Variants in NRCAM observed in about 807,000 individuals in gnomAD.
The protein encoded by NRCAM is NgCAM-related cell adhesion molecule.
A neutral mutation model predicts 156.5 loss-of-function variants in NRCAM; 83 were observed. The observed-to-expected ratio is 0.53, with a 90% CI of 0.44 to 0.64. The LOEUF (loss-of-function observed/expected upper bound fraction) is 0.64, where lower values mean the gene tolerates loss of function less well. NRCAM is among the 30% of genes least tolerant of loss of function. The pLI is 0.00. For missense variants in NRCAM, 1,417 were observed against 1,597.3 expected (o/e 0.89, Z 1.92); for synonymous variants, 538 against 563.9 (o/e 0.95, Z 0.65).
At chr7:108,375,415 C>T (rs1397756232) in intron 2 of NRCAM, among the ~76,000 whole-genome samples, 1 of 152,038 alleles carries the variant, frequency 6.6e-6, no homozygotes, top group Admixed American at 6.6e-5. Context: ...CATTCATCCG[C>T]GTGATGGATG....
intron 3 of NRCAM, among the ~76,000 whole-genome samples, chr7:108,254,970 C>G (rs1276804833): frequency 1.3e-5 from 2 of 152,140 alleles, no homozygotes; most frequent in African/African-American, 4.8e-5. Context: ...TATATAGCAG[C>G]ATTATTTATA....
At chr7:108,316,366 C>T (rs2098920792) in intron 2 of NRCAM, among the ~76,000 whole-genome samples, 1 of 152,138 alleles carries the variant, frequency 6.6e-6, no homozygotes, top group African/African-American at 2.4e-5. Flanking sequence ...GAACCATGAG[C>T]CAAATACATT....
chr7:108,375,071 C>G (rs1181082647), intron 2 of NRCAM, among the ~76,000 whole-genome samples: 1 of 152,062 alleles, frequency 6.6e-6, no homozygotes, highest in African/African-American at 2.4e-5. Flanking sequence ...CCAGCCCAGA[C>G]TGTCTGTCTC....
Position 108,207,648 on chromosome 7 carries a change from AG to A in NRCAM, c.1086del (p.Trp363GlyfsTer18). ...ACAAGATTTTGAGGGGCTGTGATCC[AG>A]TATGGAGCCGCTTTATAGGAGGAAG... ...TISVRVKAAP[Y>X]WITAPQNLVL... On this transcript the variant is annotated frameshift_variant, in exon 13 of 33. Coordinates refer to ENST00000379028, the MANE Select transcript of NRCAM (RefSeq NM_001037132.4). LOFTEE classifies it high-confidence loss of function. 1 of 1,609,718 alleles carries A rather than the reference AG, an allele frequency of 6.2e-7. No homozygotes were observed. The highest frequency in any genetic ancestry group is 8.5e-7 in the Non-Finnish European group (1 of 1,178,618).
intron 4 of NRCAM, among the ~76,000 whole-genome samples, chr7:108,238,945 T>A (rs1447536176): frequency 6.6e-6 from 1 of 151,652 alleles, no homozygotes; most frequent in African/African-American, 2.4e-5. Flanking sequence ...ATAATAATAA[T>A]AAATAAATAA....
rs2300046 is a variant in NRCAM, at chr7:108,425,387, A to G, written c.-331-25794T>C. 1.4e-4 allele frequency among the ~76,000 whole-genome samples: 21 copies of G among 152,356 alleles called. 1 individual carries two copies. The East Asian group carries it at 4.0e-3, about 29-fold the overall frequency. ...GCACAATACTAAATCCCAAAGATTT[A>G]TCTCCTATGACTCTGCAAAGTGGGA... On this transcript the variant is annotated intron_variant, in intron 1 of 32. Coordinates refer to ENST00000379028, the MANE Select transcript of NRCAM (RefSeq NM_001037132.4).
At chr7:108,423,173 T>C (rs1812486099) in intron 1 of NRCAM, among the ~76,000 whole-genome samples, 1 of 152,140 alleles carries the variant, frequency 6.6e-6, no homozygotes, top group Admixed American at 6.5e-5. Context: ...CTTTATCTTT[T>C]TGCATATATG....
At chr7:108,218,804 G>C (rs2090902474) in intron 11 of NRCAM, among the ~76,000 whole-genome samples, 1 of 152,118 alleles carries the variant, frequency 6.6e-6, no homozygotes, top group Admixed American at 6.5e-5. Context: ...CAAGGAACTA[G>C]AGAAACAAGA....
At chr7:108,323,575 C>G (rs917835355) in intron 2 of NRCAM, among the ~76,000 whole-genome samples, 3 of 152,262 alleles carry the variant, frequency 2.0e-5, no homozygotes, top group Admixed American at 1.3e-4. Flanking sequence ...CTTAAATTTG[C>G]ACAAGTTATT....
At chr7:108,159,805 CCCT>C (rs934918851) in intron 31 of NRCAM, among the ~76,000 whole-genome samples, 3 of 151,312 alleles carry the variant, frequency 2.0e-5, no homozygotes, top group African/African-American at 7.3e-5. Context: ...TAAGATTTCC[CCCT>C]ATTTTACCAA....
chr7:108,367,784 T>C (rs992317173), intron 2 of NRCAM, among the ~76,000 whole-genome samples: 13 of 152,204 alleles, frequency 8.5e-5, no homozygotes, highest in African/African-American at 2.9e-4. Flanking sequence ...ACAAATGCAA[T>C]GTGTCATATA....
intron 3 of NRCAM, among the ~76,000 whole-genome samples, chr7:108,309,774 T>G (rs1032643815): frequency 6.6e-6 from 1 of 152,142 alleles, no homozygotes; most frequent in Non-Finnish European, 1.5e-5. Context: ...TGAGAATCAC[T>G]TGAACCCGGG....
Position 108,417,560 on chromosome 7 carries a change from C to A in NRCAM, c.-331-17967G>T, listed in dbSNP as rs543979028. Among the ~76,000 whole-genome samples the A allele has an allele frequency of 2.0e-5, 3 of 152,266 alleles. No individual in the cohort carries two copies. In the South Asian group the frequency reaches 6.2e-4, roughly 32 times the overall value. On this transcript the variant is annotated intron_variant, in intron 1 of 32. Transcript: ENST00000379028. ...ATTTTGGAGGGGACAAACATCCTAA[C>A]CCTAGCGAAAGAAAACAAATAATTT...
chr7:108,411,823 A>G (rs1180075194), intron 1 of NRCAM, among the ~76,000 whole-genome samples: 1 of 152,038 alleles, frequency 6.6e-6, no homozygotes, highest in Non-Finnish European at 1.5e-5. Flanking sequence ...AAGCCACCAC[A>G]CCCAGCCAGG....
At chr7:108,323,288 T>A (rs866342008) in intron 2 of NRCAM, among the ~76,000 whole-genome samples, 2 of 152,234 alleles carry the variant, frequency 1.3e-5, no homozygotes, top group South Asian at 4.1e-4. Context: ...ATCGTTACTT[T>A]GGAAGCAAAG....
chr7:108,392,504 G>C (rs2099763474), intron 2 of NRCAM, among the ~76,000 whole-genome samples: 1 of 152,134 alleles, frequency 6.6e-6, no homozygotes, highest in African/African-American at 2.4e-5. Context: ...TGGCTTCTTT[G>C]CGATGGGTTT....
At chr7:108,241,173 A>T (rs1036385148) in intron 3 of NRCAM, among the ~76,000 whole-genome samples, 5 of 152,178 alleles carry the variant, frequency 3.3e-5, no homozygotes, top group African/African-American at 1.2e-4. Context: ...AGGTAGATAT[A>T]TATTAATAAA....
intron 20 of NRCAM, among the ~76,000 whole-genome samples, chr7:108,186,955 C>T (rs558669792): frequency 6.6e-6 from 1 of 152,208 alleles, no homozygotes; most frequent in South Asian, 2.1e-4. Flanking sequence ...CTGTAATCTG[C>T]CTCAAGCTAA....
chr7:108,378,660 C>G (rs186464444), intron 2 of NRCAM, among the ~76,000 whole-genome samples: 8 of 131,824 alleles, frequency 6.1e-5, no homozygotes, highest in South Asian at 2.4e-4. Context: ...CACACACACA[C>G]ACACACACAC....
Sources: gnomAD v4.1 joint callset for allele counts (sites outside exome capture counted in the v4.1 genomes callset) on GRCh38, gnomAD v4.1.1 for gene constraint, MANE v1.5 for transcripts, NCBI Gene and HGNC (gene_info 2026-07-23, HGNC 2026-07-21) for gene names.